Variants in ZNF804A observed in about 807,000 individuals in gnomAD.
ZNF804A encodes zinc finger protein 804A.
Under a neutral mutation model 16.5 loss-of-function variants are expected in ZNF804A, and 2 were observed. That is an observed-to-expected ratio of 0.12 (90% CI 0.05 to 0.38). ZNF804A has a LOEUF of 0.38. ZNF804A is among the 10% of genes least tolerant of loss of function. ZNF804A has a pLI of 0.99. For missense variants in ZNF804A, 1,473 were observed against 1,390.7 expected (o/e 1.06, Z -0.94); for synonymous variants, 534 against 489.6 (o/e 1.09, Z -1.20).
intron 1 of ZNF804A, among the ~76,000 whole-genome samples, chr2:184,830,475 G>T (rs933834095): frequency 6.6e-6 from 1 of 152,122 alleles, no homozygotes; most frequent in African/African-American, 2.4e-5. Context: ...CAGTAACCAG[G>T]ATTAAAGATA....
intron 1 of ZNF804A, among the ~76,000 whole-genome samples, chr2:184,714,365 C>T (rs777169448): frequency 3.3e-5 from 5 of 152,006 alleles, no homozygotes; most frequent in African/African-American, 4.8e-5. Context: ...TGTTGGTAAA[C>T]TATTAAATAT....
At position 184,850,594 on chromosome 2, in the gene ZNF804A, CTTTT is replaced by C. The variant is rs1173935814; in HGVS notation, c.112-15768_112-15765del. 2.1e-5 allele frequency among the ~76,000 whole-genome samples: 3 copies of C among 146,206 alleles called. No individual in the cohort carries two copies. In the East Asian group the frequency reaches 6.0e-4, roughly 29 times the overall value. On this transcript the variant is annotated intron_variant, in intron 1 of 3. Transcript: ENST00000302277. ...GCAAATGATGTTTTTCTCTTTCTTTCTTTTTTTTTTAACTTTCTCTCTTAAGAAC... is the reference window on the plus strand; with the variant it reads ...GCAAATGATGTTTTTCTCTTTCTTTCTTTTTTAACTTTCTCTCTTAAGAAC...
intron 1 of ZNF804A, among the ~76,000 whole-genome samples, chr2:184,684,985 C>T (rs1393251683): frequency 6.6e-6 from 1 of 152,052 alleles, no homozygotes; most frequent in Non-Finnish European, 1.5e-5. Context: ...ACCGGCTGGG[C>T]TTGTTCCGCC....
chr2:184,712,652 A>T (rs1693148122), intron 1 of ZNF804A, among the ~76,000 whole-genome samples: 1 of 151,666 alleles, frequency 6.6e-6, no homozygotes, highest in Non-Finnish European at 1.5e-5. Flanking sequence ...AACTTTCATA[A>T]TGCATATATT....
chr2:184,679,074 T>G (rs960865281), intron 1 of ZNF804A, among the ~76,000 whole-genome samples: 4 of 152,202 alleles, frequency 2.6e-5, no homozygotes, highest in African/African-American at 7.2e-5. Context: ...AGTAGTAGAA[T>G]TCCATTGTAG....
At chr2:184,891,395 A>G (rs892488527) in intron 2 of ZNF804A, among the ~76,000 whole-genome samples, 1 of 152,138 alleles carries the variant, frequency 6.6e-6, no homozygotes, top group Admixed American at 6.6e-5. Flanking sequence ...CATTATACCA[A>G]TGTTGGCAGG....
chr2:184,603,679 G>A (rs1382345555), intron 1 of ZNF804A, among the ~76,000 whole-genome samples: 1 of 152,150 alleles, frequency 6.6e-6, no homozygotes, highest in Non-Finnish European at 1.5e-5. Context: ...GTCCTCAAGA[G>A]AGCTCAGGGG....
At chr2:184,796,919 A>G (rs1350355926) in intron 1 of ZNF804A, among the ~76,000 whole-genome samples, 1 of 152,042 alleles carries the variant, frequency 6.6e-6, no homozygotes, top group Non-Finnish European at 1.5e-5. Flanking sequence ...TTTAATTTCC[A>G]TATACTTCCA....
intron 1 of ZNF804A, among the ~76,000 whole-genome samples, chr2:184,637,096 T>C (rs1166864354): frequency 1.3e-5 from 2 of 152,290 alleles, no homozygotes; most frequent in African/African-American, 2.4e-5. Flanking sequence ...CTGCACATTA[T>C]TCAAATATGT....
At chr2:184,628,089 C>T (rs1187204647) in intron 1 of ZNF804A, among the ~76,000 whole-genome samples, 15 of 152,018 alleles carry the variant, frequency 9.9e-5, no homozygotes, top group Non-Finnish European at 2.2e-4. Context: ...CCGAGGCGGG[C>T]GGATCACCTC....
chr2:184,833,776 G>A, intron 1 of ZNF804A, among the ~76,000 whole-genome samples: 1 of 152,004 alleles, frequency 6.6e-6, no homozygotes, highest in East Asian at 1.9e-4. Context: ...TAAGTTAAAA[G>A]TGATAGTTAT....
intron 2 of ZNF804A, among the ~76,000 whole-genome samples, chr2:184,894,750 A>G (rs1685038784): frequency 6.6e-6 from 1 of 152,050 alleles, no homozygotes. Flanking sequence ...CAGTGGCGAG[A>G]TCTGGGCTCA....
intron 1 of ZNF804A, among the ~76,000 whole-genome samples, chr2:184,604,168 TTTTTTTTTTTTTTTTTTTTG>T (rs1691097977): frequency 2.9e-5 from 3 of 103,364 alleles, no homozygotes; most frequent in African/African-American, 8.6e-5. Flanking sequence ...TTTTTTTTTT[TTTTTTTTTTTTTTTTTTTTG>T]AGACGGAGTC....
chr2:184,794,350 G>C (rs899275607), intron 1 of ZNF804A, among the ~76,000 whole-genome samples: 14 of 151,894 alleles, frequency 9.2e-5, no homozygotes, highest in African/African-American at 3.4e-4. Flanking sequence ...TCATACGTTT[G>C]TTGGCCATTC....
At chr2:184,627,388 A>C (rs372584221) in intron 1 of ZNF804A, among the ~76,000 whole-genome samples, 1 of 152,164 alleles carries the variant, frequency 6.6e-6, no homozygotes, top group Admixed American at 6.5e-5. Context: ...TATCTAATTA[A>C]TTTGTGCCTG....
intron 1 of ZNF804A, among the ~76,000 whole-genome samples, chr2:184,676,440 T>G (rs1692437603): frequency 6.6e-6 from 1 of 151,674 alleles, no homozygotes; most frequent in African/African-American, 2.4e-5. Flanking sequence ...TAGTTTAACA[T>G]ATTATCAAGG....
At chr2:184,855,376 G>A (rs534853488) in intron 1 of ZNF804A, among the ~76,000 whole-genome samples, 20 of 152,000 alleles carry the variant, frequency 1.3e-4, no homozygotes, top group African/African-American at 2.7e-4. Context: ...AATGGCTTGC[G>A]CTTACTGCTG....
At chr2:184,800,815 A>T (rs528049702) in intron 1 of ZNF804A, among the ~76,000 whole-genome samples, 1 of 152,186 alleles carries the variant, frequency 6.6e-6, no homozygotes, top group South Asian at 2.1e-4. Context: ...TATAAACCAT[A>T]TAACCACCCA....
At chr2:184,758,372 C>T (rs1269975567) in intron 1 of ZNF804A, among the ~76,000 whole-genome samples, 1 of 126,874 alleles carries the variant, frequency 7.9e-6, no homozygotes, top group African/African-American at 4.4e-5. Context: ...TGATTATTTA[C>T]AAGTCACTAC....
Sources: allele counts gnomAD v4.1 joint callset (sites outside exome capture counted in the v4.1 genomes callset), GRCh38; gene constraint gnomAD v4.1.1; transcripts MANE v1.5; gene names NCBI Gene and HGNC (gene_info 2026-07-23, HGNC 2026-07-21).